PKHD1: variants seen among roughly 807,000 people sequenced by gnomAD.
The protein encoded by PKHD1 is fibrocystin.
A neutral mutation model predicts 412.0 loss-of-function variants in PKHD1; 291 were observed. The observed-to-expected ratio is 0.71, with a 90% CI of 0.64 to 0.78. The LOEUF is 0.78. Ranked by LOEUF, PKHD1 falls within the 30% of genes least tolerant of loss-of-function variation. The pLI, the probability that PKHD1 is intolerant of heterozygous loss-of-function variation, is 0.00. For missense variants in PKHD1, 4,825 were observed against 4,950.7 expected (o/e 0.97, Z 0.76); for synonymous variants, 1,777 against 1,821.5 (o/e 0.98, Z 0.62).
chr6:51,992,867 G>C (rs1417090595), intron 35 of PKHD1, among the ~76,000 whole-genome samples: 1 of 152,194 alleles, frequency 6.6e-6, no homozygotes, highest in Non-Finnish European at 1.5e-5. Flanking sequence ...GGGTTAAGAA[G>C]GTACTACCTT....
At chr6:51,830,496 C>T (rs1397766134) in intron 52 of PKHD1, among the ~76,000 whole-genome samples, 3 of 152,224 alleles carry the variant, frequency 2.0e-5, no homozygotes, top group South Asian at 2.1e-4. Flanking sequence ...CATCAGAATG[C>T]ATTAATAAAT....
At chr6:52,027,997 T>C in intron 30 of PKHD1, 101 bp from the exon 31 acceptor site, 1 of 1,158,944 alleles carries the variant, frequency 8.6e-7, no homozygotes, top group Non-Finnish European at 1.3e-6. Flanking sequence ...GAGCAAACTG[T>C]CTGTAAGTTC....
intron 53 of PKHD1, among the ~76,000 whole-genome samples, chr6:51,781,648 C>T (rs1792029374): frequency 6.6e-6 from 1 of 151,944 alleles, no homozygotes; most frequent in Non-Finnish European, 1.5e-5. Flanking sequence ...TAGTATATGG[C>T]ACAGTGTCTG....
At chr6:52,010,867 A>G (rs1435370149) in intron 34 of PKHD1, among the ~76,000 whole-genome samples, 1 of 151,388 alleles carries the variant, frequency 6.6e-6, no homozygotes, top group Admixed American at 6.6e-5. Context: ...ACTCATACTT[A>G]GTGTTGGGGG....
intron 49 of PKHD1, among the ~76,000 whole-genome samples, chr6:51,849,300 C>T (rs1771764302): frequency 6.6e-6 from 1 of 152,074 alleles, no homozygotes; most frequent in Non-Finnish European, 1.5e-5. Context: ...TCCAGTCTAT[C>T]ATTGATGGGC....
intron 58 of PKHD1, among the ~76,000 whole-genome samples, chr6:51,747,301 T>C (rs1324885423): frequency 6.6e-6 from 1 of 152,196 alleles, no homozygotes; most frequent in Non-Finnish European, 1.5e-5. Flanking sequence ...TGCTCAACCA[T>C]CTACTAAGCA....
chr6:51,644,946 G>A (rs1769897469), intron 63 of PKHD1, among the ~76,000 whole-genome samples: 1 of 152,124 alleles, frequency 6.6e-6, no homozygotes, highest in African/African-American at 2.4e-5. Flanking sequence ...CCAAAGTGCT[G>A]GCATTACAGG....
chr6:51,913,010 T>C (rs1783207995), intron 37 of PKHD1, among the ~76,000 whole-genome samples: 1 of 152,106 alleles, frequency 6.6e-6, no homozygotes, highest in Admixed American at 6.6e-5. Flanking sequence ...ATAGTATCTA[T>C]GAAACATCTA....
chr6:51,921,422 A>G (rs992762619), intron 37 of PKHD1, among the ~76,000 whole-genome samples: 7 of 152,074 alleles, frequency 4.6e-5, no homozygotes, highest in Non-Finnish European at 7.4e-5. Context: ...TGCTCTTCTC[A>G]AGGAGTATCT....
chr6:51,883,016 C>T, intron 46 of PKHD1, 77 bp downstream of exon 46: 2 of 1,094,392 alleles, frequency 1.8e-6, no homozygotes, highest in African/African-American at 1.5e-5. Flanking sequence ...AATTGCATAT[C>T]CTGGATCATC....
chr6:51,840,985 T>C (rs766233963), intron 50 of PKHD1, among the ~76,000 whole-genome samples: 8 of 152,146 alleles, frequency 5.3e-5, no homozygotes, highest in Non-Finnish European at 1.2e-4. Flanking sequence ...AAGTTAGGTT[T>C]TAAAAATAAG....
At chr6:51,943,518 C>G (rs1301160377) in intron 36 of PKHD1, among the ~76,000 whole-genome samples, 1 of 151,588 alleles carries the variant, frequency 6.6e-6, no homozygotes, top group Non-Finnish European at 1.5e-5. Flanking sequence ...TTTCTCCAAG[C>G]CATCACAGCT....
intron 60 of PKHD1, among the ~76,000 whole-genome samples, chr6:51,693,723 A>G (rs1464107048): frequency 6.6e-6 from 1 of 152,200 alleles, no homozygotes; most frequent in Non-Finnish European, 1.5e-5. Context: ...TCCTTTGCTC[A>G]TTGAAAACAA....
chr6:51,864,495 A>G (rs536192265), intron 48 of PKHD1, among the ~76,000 whole-genome samples: 2 of 152,274 alleles, frequency 1.3e-5, no homozygotes, highest in African/African-American at 4.8e-5. Flanking sequence ...AAGGAGGAAA[A>G]TTGAGCTGAT....
At chr6:51,651,988 G>A (rs1771051160) in intron 61 of PKHD1, among the ~76,000 whole-genome samples, 1 of 152,072 alleles carries the variant, frequency 6.6e-6, no homozygotes, top group Admixed American at 6.6e-5. Context: ...TAAAGCAAAG[G>A]GATTAGCAAC....
rs370595577 is a variant in PKHD1 at position 52,068,554 on chromosome 6, T to A, written c.778+903A>T. ...AGACCTTTGGCTTTGGACAAGATAC[T>A]TTGTTTATCTGAGTCTGTTTCCTTA... On this transcript the variant is annotated intron_variant, in intron 11 of 66. Coordinates refer to ENST00000371117, the MANE Select transcript of PKHD1 (RefSeq NM_138694.4). 9.8e-5 allele frequency among the ~76,000 whole-genome samples: 15 copies of A among 152,344 alleles called. No homozygotes were observed. In the East Asian group the frequency reaches 2.3e-3, roughly 23 times the overall value.
At position 51,807,458 on chromosome 6, in the gene PKHD1, A is replaced by AAAT. The variant is rs1332349363; in HGVS notation, c.8303-16086_8303-16085insATT. Among the ~76,000 whole-genome samples, 53 of 49,700 alleles carry AAAT rather than the reference A, an allele frequency of 1.1e-3. 2 individuals carry two copies. The highest frequency in any genetic ancestry group is 2.5e-3 in the South Asian group (2 of 786). 32.6% of individuals were successfully genotyped at this position (49,700 alleles called of 152,430 possible). A position where few individuals can be genotyped will look rare whatever the true frequency, so the allele number is the denominator to read the frequency against. On this transcript the variant is annotated intron_variant, in intron 52 of 66. Transcript: ENST00000371117. ...GTCTCAAAAAAAAAAAAAAAAAAAA[A>AAAT]ATATATATATATATATATATATGTA...
chr6:52,042,738 TA>T, intron 27 of PKHD1, 120 bp downstream of exon 27: 1 of 893,422 alleles, frequency 1.1e-6, no homozygotes, highest in Non-Finnish European at 1.8e-6. Context: ...CTTATGTCAG[TA>T]AACAAAAGAC....
At chr6:51,961,390 G>A (rs1234284363) in intron 35 of PKHD1, among the ~76,000 whole-genome samples, 8 of 152,050 alleles carry the variant, frequency 5.3e-5, no homozygotes, top group African/African-American at 1.9e-4. Flanking sequence ...AAAAGTCTAT[G>A]ACTCATCACA....
Sources: allele counts gnomAD v4.1 joint callset (sites outside exome capture counted in the v4.1 genomes callset), GRCh38; gene constraint gnomAD v4.1.1; transcripts MANE v1.5; gene names NCBI Gene and HGNC (gene_info 2026-07-23, HGNC 2026-07-21).